The following ZZEF1 variants were observed in gnomAD, a reference collection of about 807,000 sequenced individuals.
ZZEF1 encodes the protein zinc finger ZZ-type and EF-hand domain-containing protein 1.
ZZEF1 carries 157 observed loss-of-function variants against 342.8 expected under a neutral mutation model. The observed-to-expected ratio is 0.46, with a 90% CI of 0.40 to 0.52. ZZEF1 has a LOEUF of 0.52. Among genes scored for constraint, ZZEF1 ranks in the 20% least tolerant of loss-of-function variants. The pLI is 0.00. For missense variants in ZZEF1, 3,480 were observed against 3,725.6 expected, an observed-to-expected ratio of 0.93 and a Z score of 1.72; for synonymous variants, 1,505 against 1,429.1, an observed-to-expected ratio of 1.05 and a Z score of -1.20.
At chr17:4,038,030 C>A (rs2056713464) in intron 39 of ZZEF1, among the ~76,000 whole-genome samples, 1 of 152,202 alleles carries the variant, frequency 6.6e-6, no homozygotes, top group African/African-American at 2.4e-5. Context: ...ACAGGAGAAT[C>A]TCCTTGTTTG....
intron 39 of ZZEF1, among the ~76,000 whole-genome samples, chr17:4,038,869 A>G (rs1343203475): frequency 6.6e-6 from 1 of 152,116 alleles, no homozygotes; most frequent in Non-Finnish European, 1.5e-5. Flanking sequence ...AGAGGAATGC[A>G]GCGACTTACT....
chr17:4,076,979 C>G lies in ZZEF1; in HGVS notation c.3000G>C (p.Gln1000His), dbSNP rs1597856798. 2.5e-6 allele frequency: 4 copies of G among 1,613,630 alleles called. No homozygotes were observed. Among genetic ancestry groups the G allele is most frequent in the Non-Finnish European group, 2.5e-6 (3 of 1,179,806 alleles). ...AVDLIEKYVG[Q>H]FLASMRAILE... The stretch of plus-strand genomic sequence containing the variant: ...AAATCGCTCTCATGCTTGCCAGAAA[C>G]TGGCCCACATCTACCGAAACAAAGA... Residue 1000 changes from glutamine (Q) to histidine (H), a missense_variant, in exon 20 of 55, where the codon CAG becomes CAC. Gln to His is a conservative substitution (Grantham distance 24). Around this residue, in one of 5 missense-constraint regions of ZZEF1, gnomAD observed 1,528 missense variants for 1,624.1 expected, o/e 0.94. Transcript: ENST00000381638.
chr17:4,104,656 C>A lies in ZZEF1; in HGVS notation c.1550G>T (p.Arg517Ile), dbSNP rs1038294986. The A allele has an allele frequency of 6.2e-7, 1 of 1,613,962 alleles. No individual in the cohort carries two copies. Among genetic ancestry groups the A allele is most frequent in the Non-Finnish European group, 8.5e-7 (1 of 1,180,002 alleles). Residue 517 changes from arginine (R) to isoleucine (I), a missense_variant, in exon 8 of 55, where the codon AGA becomes ATA. Physicochemically the swap from Arg to Ile is moderately conservative, Grantham distance 97. Transcript: ENST00000381638. ...SSLILSMASV[R>I]QNLLLKYGKP... Reference sequence around the variant, plus strand: ...ACCATATTTGAGGAGCAGGTTCTGTCTGACTGACGCCATGGACAAGATGAG... The same window carrying A: ...ACCATATTTGAGGAGCAGGTTCTGTATGACTGACGCCATGGACAAGATGAG...
At chr17:4,059,311 T>C in intron 30 of ZZEF1, 21 bp from the exon 31 acceptor site, 2 of 1,588,172 alleles carry the variant, frequency 1.3e-6, no homozygotes, top group South Asian at 1.2e-5. Context: ...AGGAAATCAC[T>C]GATTCACTTA....
At position 4,142,447 on chromosome 17, in the gene ZZEF1, C is replaced by T. The variant is rs548508500; in HGVS notation, c.354+95G>A. 9 of 1,337,520 alleles carry T rather than the reference C, an allele frequency of 6.7e-6. No homozygotes were observed. In the East Asian group the frequency reaches 1.8e-4, roughly 26 times the overall value. 82.9% of individuals were successfully genotyped at this position (1,337,520 alleles called of 1,614,324 possible). Reference sequence around the variant, plus strand: ...GCTGGAAACACCTCATATGGGTCCCCGCCTGGCCTCTCCAAAGCAAATGCC... The same window carrying T: ...GCTGGAAACACCTCATATGGGTCCCTGCCTGGCCTCTCCAAAGCAAATGCC... On this transcript the variant is annotated intron_variant, in intron 1 of 54. Coordinates refer to ENST00000381638, the MANE Select transcript of ZZEF1 (RefSeq NM_015113.4).
At chr17:4,009,496 G>T in intron 53 of ZZEF1, 108 bp downstream of exon 53, 1 of 1,492,886 alleles carries the variant, frequency 6.7e-7, no homozygotes, top group Non-Finnish European at 9.2e-7. Context: ...GGCCTGTCGA[G>T]ACCCTGGCCA....
intron 25 of ZZEF1, among the ~76,000 whole-genome samples, chr17:4,071,678 G>A (rs1054979354): frequency 1.3e-5 from 2 of 152,158 alleles, no homozygotes; most frequent in African/African-American, 4.8e-5. Context: ...GGGGATGCTA[G>A]GGAGCAGTGG....
intron 39 of ZZEF1, among the ~76,000 whole-genome samples, chr17:4,034,734 C>T (rs1372912782): frequency 6.6e-6 from 1 of 152,184 alleles, no homozygotes; most frequent in Non-Finnish European, 1.5e-5. Flanking sequence ...TAGTGACTCA[C>T]ACCTGTAATC....
chr17:4,132,499 C>G (rs1296117214), intron 1 of ZZEF1, among the ~76,000 whole-genome samples: 2 of 152,144 alleles, frequency 1.3e-5, no homozygotes, highest in Non-Finnish European at 2.9e-5. Flanking sequence ...GGCATCAAGA[C>G]CATCCTGGCT....
rs547279533 is a variant in ZZEF1 at position 4,026,818 on chromosome 17, C to G, written c.6893-1700G>C. On this transcript the variant is annotated intron_variant, in intron 42 of 54. Coordinates refer to ENST00000381638, the MANE Select transcript of ZZEF1 (RefSeq NM_015113.4). ...TACAGGTGTGAGCCACCACACCCAGCCTTTAAAGTATTTAAGTACATCTTT... is the reference window on the plus strand; with the variant it reads ...TACAGGTGTGAGCCACCACACCCAGGCTTTAAAGTATTTAAGTACATCTTT... 3.9e-5 allele frequency among the ~76,000 whole-genome samples: 6 copies of G among 152,092 alleles called. No homozygotes were observed. In the South Asian group the frequency reaches 1.2e-3, roughly 32 times the overall value.
At chr17:4,054,387 C>T (rs1329640868) in intron 33 of ZZEF1, among the ~76,000 whole-genome samples, 192 bp from the exon 34 acceptor site, 1 of 152,128 alleles carries the variant, frequency 6.6e-6, no homozygotes, top group Admixed American at 6.5e-5. Flanking sequence ...TTTAGTATGA[C>T]CAGTGCTTTC....
chr17:4,078,073 C>G (rs749073773), intron 18 of ZZEF1, 31 bp from the exon 19 acceptor site: 3 of 1,598,550 alleles, frequency 1.9e-6, no homozygotes, highest in African/African-American at 2.7e-5. Context: ...AGAAAGTGTT[C>G]GTGACAAGGC....
At chr17:4,102,214 T>C (rs1161604892) in intron 9 of ZZEF1, 103 bp downstream of exon 9, 2 of 1,012,308 alleles carry the variant, frequency 2.0e-6, no homozygotes, top group East Asian at 2.4e-5. Context: ...CAACCTAAAA[T>C]TGAAGACTGC....
intron 42 of ZZEF1, among the ~76,000 whole-genome samples, chr17:4,029,320 G>C (rs2056484820): frequency 6.6e-6 from 1 of 151,550 alleles, no homozygotes; most frequent in Non-Finnish European, 1.5e-5. Context: ...ATGATATCTG[G>C]AATATCCCCC....
rs183907339 is a variant in ZZEF1, at chr17:4,009,073, C to A, written c.8734-119G>T. 7 of 1,227,610 alleles carry A rather than the reference C, an allele frequency of 5.7e-6. No individual in the cohort carries two copies. The African/African-American group carries it at 1.0e-4, about 18-fold the overall frequency. The allele number at this position is 1,227,610 out of a possible 1,614,324, so 76.0% of individuals were successfully genotyped here. A position where few individuals can be genotyped will look rare whatever the true frequency, so the allele number is the denominator to read the frequency against. ...GCCTCTCATGGGCGGACGCTACTCA[C>A]GCCGCCCAGCACCGCGTGGCACTGC... On this transcript the variant is annotated intron_variant, in intron 53 of 54. Coordinates refer to ENST00000381638, the MANE Select transcript of ZZEF1 (RefSeq NM_015113.4).
chr17:4,140,251 C>T (rs8077174), intron 1 of ZZEF1, among the ~76,000 whole-genome samples: 23,367 of 152,170 alleles, frequency 0.15, 1,981 homozygotes, highest in African/African-American at 0.22. Context: ...TAATACACCA[C>T]ACCAGACTTC....
chr17:4,011,866 A>G (rs1266421609), intron 52 of ZZEF1, among the ~76,000 whole-genome samples: 1 of 152,206 alleles, frequency 6.6e-6, no homozygotes, highest in East Asian at 1.9e-4. Flanking sequence ...TGAGCATGTG[A>G]GGTACAATGT....
chr17:4,075,280 C>T lies in ZZEF1; in HGVS notation c.3384G>A (p.Arg1128=). The change falls in exon 22 of 55, where the codon AGG becomes AGA. Residue 1128 remains arginine (R), a synonymous_variant. Coordinates refer to ENST00000381638, the MANE Select transcript of ZZEF1 (RefSeq NM_015113.4). ...AGTCTTACCTTTTTTCAGTTTCACA[C>T]CTGTCATCGAATTCCACTTCAAAAT... ...ATYFEVEFDD[R]CETEKRYDYL... 6.2e-7 allele frequency: 1 copy of T among 1,614,170 alleles called. No individual in the cohort carries two copies. The highest frequency in any genetic ancestry group is 8.5e-7 in the Non-Finnish European group (1 of 1,180,008).
At position 4,063,399 on chromosome 17, in the gene ZZEF1, G is replaced by A. The variant is rs572998290; in HGVS notation, c.4719-482C>T. 4.6e-5 allele frequency among the ~76,000 whole-genome samples: 7 copies of A among 152,216 alleles called. No individual in the cohort carries two copies. The South Asian group carries it at 8.3e-4, about 18-fold the overall frequency. ...GAGACCAGCCTGGGTAACATAGGGC[G>A]GCCATGTTTCTAGAAAATGCCAAAT... On this transcript the variant is annotated intron_variant, in intron 29 of 54. Transcript: ENST00000381638.
Sources: allele counts gnomAD v4.1 joint callset (sites outside exome capture counted in the v4.1 genomes callset), GRCh38; gene constraint gnomAD v4.1.1; regional missense constraint gnomAD v4.1.1; transcripts MANE v1.5; gene names NCBI Gene and HGNC (gene_info 2026-07-23, HGNC 2026-07-21).